CRPPA: variants seen among roughly 807,000 people sequenced by gnomAD.
CRPPA encodes the protein D-ribitol-5-phosphate cytidylyltransferase.
A neutral mutation model predicts 52.0 loss-of-function variants in CRPPA; 43 were observed. The observed-to-expected ratio is 0.83, with a 90% CI of 0.65 to 1.07. The LOEUF is 1.07. CRPPA is among the 50% of genes least tolerant of loss of function. CRPPA has a pLI of 0.00. For missense variants in CRPPA, 629 were observed against 551.7 expected (o/e 1.14, Z -1.40); for synonymous variants, 250 against 203.5 (o/e 1.23, Z -1.94).
chr7:16,316,599 T>C (rs1785149571), intron 3 of CRPPA, among the ~76,000 whole-genome samples: 1 of 152,134 alleles, frequency 6.6e-6, no homozygotes, highest in African/African-American at 2.4e-5. Context: ...TGGTGTTTCA[T>C]GCCTGTAATC....
intron 8 of CRPPA, among the ~76,000 whole-genome samples, chr7:16,216,846 C>G (rs993054501): frequency 6.6e-6 from 1 of 152,144 alleles, no homozygotes; most frequent in African/African-American, 2.4e-5. Context: ...AACTGCAAGG[C>G]GGCAGCGAGG....
chr7:16,364,798 C>A (rs1273517118), intron 3 of CRPPA, among the ~76,000 whole-genome samples: 1 of 152,024 alleles, frequency 6.6e-6, no homozygotes, highest in African/African-American at 2.4e-5. Context: ...TTTGTCATGG[C>A]TTGATTTTTA....
intron 3 of CRPPA, among the ~76,000 whole-genome samples, chr7:16,369,745 G>A (rs1051240587): frequency 1.3e-5 from 2 of 152,268 alleles, no homozygotes; most frequent in Non-Finnish European, 1.5e-5. Context: ...ACAGAATAGG[G>A]GGTAGAGATT....
intron 5 of CRPPA, among the ~76,000 whole-genome samples, chr7:16,299,529 A>G (rs1294757338): frequency 6.6e-6 from 1 of 152,276 alleles, no homozygotes; most frequent in East Asian, 1.9e-4. Flanking sequence ...CTGCTGGTCT[A>G]GAGCATTTAC....
At chr7:16,376,041 T>C (rs1390425896) in intron 3 of CRPPA, 51 bp downstream of exon 3, 1 of 1,526,176 alleles carries the variant, frequency 6.6e-7, no homozygotes, top group African/African-American at 1.4e-5. Flanking sequence ...GTGGAGGTTG[T>C]TTGGGGAACC....
At chr7:16,352,223 T>C (rs999128999) in intron 3 of CRPPA, among the ~76,000 whole-genome samples, 2 of 148,114 alleles carry the variant, frequency 1.4e-5, no homozygotes, top group Non-Finnish European at 1.5e-5. Flanking sequence ...TGAGAACACA[T>C]GGACACAGGG....
chr7:16,404,090 C>T (rs1003753679), intron 2 of CRPPA, among the ~76,000 whole-genome samples: 12 of 152,088 alleles, frequency 7.9e-5, no homozygotes, highest in African/African-American at 2.4e-4. Flanking sequence ...CATTAATAAA[C>T]TTGAAAAAAT....
intron 3 of CRPPA, among the ~76,000 whole-genome samples, chr7:16,346,010 G>A (rs1786005843): frequency 1.3e-5 from 2 of 152,116 alleles, no homozygotes; most frequent in South Asian, 2.1e-4. Flanking sequence ...TTTAGTAAAC[G>A]CCTGTAATAA....
intron 2 of CRPPA, among the ~76,000 whole-genome samples, chr7:16,388,168 G>T (rs1304285911): frequency 1.3e-5 from 2 of 152,020 alleles, no homozygotes; most frequent in Non-Finnish European, 2.9e-5. Context: ...TAGAGACAGG[G>T]TTTCACTATG....
Position 16,210,488 on chromosome 7 carries a change from T to C in CRPPA, c.1251+5578A>G, listed in dbSNP as rs561241186. ...TGGTTCTCTCTTGCATTCTATGATG[T>C]TTCCAGACACTCTGTGCAAAGAACA... is the stretch of plus-strand genomic sequence containing the variant. On this transcript the variant is annotated intron_variant, in intron 9 of 9. Coordinates refer to ENST00000407010, the MANE Select transcript of CRPPA (RefSeq NM_001101426.4). 5.9e-5 allele frequency: 9 copies of C among 152,296 alleles called. No homozygotes were observed. The South Asian group carries it at 1.9e-3, about 32-fold the overall frequency. 9.4% of individuals were successfully genotyped at this position (152,296 alleles called of 1,614,324 possible). A position where few individuals can be genotyped will look rare whatever the true frequency, so the allele number is the denominator to read the frequency against.
intron 9 of CRPPA, among the ~76,000 whole-genome samples, chr7:16,205,100 G>A (rs978838589): frequency 2.0e-5 from 3 of 152,266 alleles, no homozygotes; most frequent in African/African-American, 7.2e-5. Flanking sequence ...CTGTCCCACA[G>A]GCAGCAGAAG....
chr7:16,354,914 A>G (rs887232348), intron 3 of CRPPA, among the ~76,000 whole-genome samples: 1 of 152,216 alleles, frequency 6.6e-6, no homozygotes, highest in African/African-American at 2.4e-5. Flanking sequence ...TTAAACCAGA[A>G]AGATGAAAAC....
chr7:16,265,095 C>T (rs1466266556), intron 6 of CRPPA, among the ~76,000 whole-genome samples: 5 of 152,180 alleles, frequency 3.3e-5, no homozygotes, highest in Non-Finnish European at 7.3e-5. Flanking sequence ...GGAAGTCAAT[C>T]CTGGTAGAGT....
intron 8 of CRPPA, among the ~76,000 whole-genome samples, chr7:16,227,508 C>T (rs1384254504): frequency 6.6e-6 from 1 of 151,616 alleles, no homozygotes; most frequent in Non-Finnish European, 1.5e-5. Flanking sequence ...TTTCATATAC[C>T]TATTGGCCAT....
At chr7:16,234,624 A>T (rs1302122318) in intron 8 of CRPPA, among the ~76,000 whole-genome samples, 2 of 152,112 alleles carry the variant, frequency 1.3e-5, no homozygotes, top group African/African-American at 2.4e-5. Flanking sequence ...TTATTTCCTC[A>T]TATCTGCCTC....
intron 2 of CRPPA, among the ~76,000 whole-genome samples, chr7:16,389,406 C>A (rs899692265): frequency 6.6e-6 from 1 of 152,084 alleles, no homozygotes; most frequent in Admixed American, 6.6e-5. Context: ...GCGTTATACA[C>A]CATGACCAAG....
intron 9 of CRPPA, among the ~76,000 whole-genome samples, chr7:16,112,704 G>C (rs1420109901): frequency 6.6e-6 from 1 of 152,080 alleles, no homozygotes; most frequent in Non-Finnish European, 1.5e-5. Flanking sequence ...AACCTTTCTT[G>C]GTAGGGGGGA....
chr7:16,165,735 C>T (rs1385001872), intron 9 of CRPPA, among the ~76,000 whole-genome samples: 1 of 152,184 alleles, frequency 6.6e-6, no homozygotes, highest in South Asian at 2.1e-4. Flanking sequence ...TTTTCTCCCC[C>T]ACCCACTCCC....
chr7:16,399,572 G>A (rs1406967468), intron 2 of CRPPA, among the ~76,000 whole-genome samples: 2 of 151,936 alleles, frequency 1.3e-5, no homozygotes, highest in Admixed American at 6.5e-5. Flanking sequence ...ACACGTTTGT[G>A]ACATGTGACA....
Sources: gnomAD v4.1 joint callset for allele counts (sites outside exome capture counted in the v4.1 genomes callset) on GRCh38, gnomAD v4.1.1 for gene constraint, MANE v1.5 for transcripts, NCBI Gene and HGNC (gene_info 2026-07-23, HGNC 2026-07-21) for gene names.